Variants in TAF3 observed in about 807,000 individuals in gnomAD.
TAF3 encodes the protein transcription initiation factor TFIID subunit 3.
A neutral mutation model predicts 80.6 loss-of-function variants in TAF3; 7 were observed. That is an observed-to-expected ratio of 0.09 (90% confidence interval 0.05 to 0.16). The LOEUF is 0.16. Ranked by LOEUF, TAF3 falls within the 10% of genes least tolerant of loss-of-function variation. TAF3 has a pLI of 1.00. For synonymous variants in TAF3, 444 were observed against 446.1 expected, an observed-to-expected ratio of 1.00 and a Z score of 0.06; for missense variants, 921 against 1,140.2, an observed-to-expected ratio of 0.81 and a Z score of 2.77.
At chr10:7,840,918 C>T (rs1198175895) in intron 2 of TAF3, among the ~76,000 whole-genome samples, 2 of 151,640 alleles carry the variant, frequency 1.3e-5, no homozygotes, top group South Asian at 2.1e-4. Context: ...GGCGTGATCT[C>T]GGCTCACTGC....
At chr10:8,007,235 C>T (rs1302109240) in intron 4 of TAF3, among the ~76,000 whole-genome samples, 2 of 152,002 alleles carry the variant, frequency 1.3e-5, no homozygotes, top group Non-Finnish European at 2.9e-5. Flanking sequence ...CTCTATGTGT[C>T]AGCATGGATA....
At chr10:7,935,400 A>G (rs1837907977) in intron 2 of TAF3, among the ~76,000 whole-genome samples, 1 of 152,052 alleles carries the variant, frequency 6.6e-6, no homozygotes, top group African/African-American at 2.4e-5. Flanking sequence ...GATCGAGACC[A>G]TGGTGAAACC....
intron 2 of TAF3, among the ~76,000 whole-genome samples, chr10:7,914,804 T>C (rs755878172): frequency 6.6e-6 from 1 of 152,198 alleles, no homozygotes; most frequent in Non-Finnish European, 1.5e-5. Flanking sequence ...GTCATTAGTC[T>C]TGCAGGTAGA....
intron 4 of TAF3, among the ~76,000 whole-genome samples, chr10:7,978,998 G>A (rs1831698624): frequency 6.6e-6 from 1 of 151,964 alleles, no homozygotes; most frequent in Admixed American, 6.6e-5. Context: ...CTATGATCGT[G>A]CCCACTGCAC....
chr10:7,850,075 T>C (rs962636676), intron 2 of TAF3, among the ~76,000 whole-genome samples: 1 of 152,216 alleles, frequency 6.6e-6, no homozygotes, highest in African/African-American at 2.4e-5. Flanking sequence ...TTGCTTAAAA[T>C]ATAGATCCTC....
intron 2 of TAF3, among the ~76,000 whole-genome samples, chr10:7,909,442 A>C (rs574688323): frequency 6.6e-6 from 1 of 152,320 alleles, no homozygotes; most frequent in African/African-American, 2.4e-5. Context: ...TAAAGACTTG[A>C]TTCTACCAGA....
rs146513556 is a variant in TAF3, at chr10:7,932,429, A to G, written c.410-31491A>G. Among the ~76,000 whole-genome samples the G allele has an allele frequency of 9.3e-4, 142 of 152,250 alleles. 2 individuals carry two copies. In the East Asian group the frequency reaches 0.021, roughly 22 times the overall value. On this transcript the variant is annotated intron_variant, in intron 2 of 6. Transcript: ENST00000344293. ...TACTGATTCAGTGTTTTTTACAGCA[A>G]ATATCCAAAGGTCAAGAGACAGACT... is the stretch of plus-strand genomic sequence containing the variant.
At chr10:7,861,628 A>G (rs1314661) in intron 2 of TAF3, among the ~76,000 whole-genome samples, 68,203 of 151,854 alleles carry the variant, frequency 0.45, 15,546 homozygotes, top group South Asian at 0.64. Flanking sequence ...TTTTTCCACC[A>G]TCTCATAACC....
intron 2 of TAF3, among the ~76,000 whole-genome samples, chr10:7,922,102 C>T (rs902052308): frequency 3.3e-5 from 5 of 152,080 alleles, no homozygotes; most frequent in African/African-American, 1.2e-4. Context: ...ATTCAACTCT[C>T]AGTATTCAAA....
At chr10:7,935,357 G>A (rs1238616554) in intron 2 of TAF3, among the ~76,000 whole-genome samples, 6 of 152,046 alleles carry the variant, frequency 3.9e-5, no homozygotes, top group Non-Finnish European at 5.9e-5. Flanking sequence ...CAGCACTTTG[G>A]GAGGCCGAGG....
chr10:7,870,888 A>G (rs1837258814), intron 2 of TAF3, among the ~76,000 whole-genome samples: 1 of 152,104 alleles, frequency 6.6e-6, no homozygotes, highest in Non-Finnish European at 1.5e-5. Flanking sequence ...TGAAGCTCAG[A>G]GTTTCTTGTA....
At chr10:7,951,004 G>A (rs566042280) in intron 2 of TAF3, among the ~76,000 whole-genome samples, 92 of 152,316 alleles carry the variant, frequency 6.0e-4, no homozygotes, top group African/African-American at 2.1e-3. Flanking sequence ...CAATGTTAAT[G>A]CATCATTAAT....
chr10:7,873,183 T>C (rs1168869448), intron 2 of TAF3, among the ~76,000 whole-genome samples: 1 of 152,236 alleles, frequency 6.6e-6, no homozygotes, highest in East Asian at 1.9e-4. Context: ...TTTTTAAATC[T>C]TTAATCGATA....
At chr10:7,929,745 T>C (rs75115524) in intron 2 of TAF3, among the ~76,000 whole-genome samples, 1,689 of 152,204 alleles carry the variant, frequency 0.011, 31 homozygotes, top group African/African-American at 0.038. Context: ...TACCAATAAA[T>C]AAGAATATGG....
At chr10:8,007,222 G>A (rs567632309) in intron 4 of TAF3, among the ~76,000 whole-genome samples, 2 of 152,222 alleles carry the variant, frequency 1.3e-5, no homozygotes, top group South Asian at 4.2e-4. Context: ...AAATAATATA[G>A]ATCTCTATGT....
intron 5 of TAF3, among the ~76,000 whole-genome samples, chr10:8,010,728 G>A (rs961434811): frequency 6.6e-6 from 1 of 152,102 alleles, no homozygotes; most frequent in African/African-American, 2.4e-5. Context: ...CCAACATGGT[G>A]AAACCCCATC....
chr10:7,854,101 C>T (rs1190846035), intron 2 of TAF3, among the ~76,000 whole-genome samples: 2 of 152,190 alleles, frequency 1.3e-5, no homozygotes, highest in African/African-American at 2.4e-5. Flanking sequence ...CACTTGCAAT[C>T]GGATCCAGTG....
At chr10:7,981,777 C>T (rs1488970689) in intron 4 of TAF3, among the ~76,000 whole-genome samples, 1 of 151,936 alleles carries the variant, frequency 6.6e-6, no homozygotes, top group African/African-American at 2.4e-5. Flanking sequence ...ATGTCATTTA[C>T]TTTTTTTTGT....
intron 2 of TAF3, among the ~76,000 whole-genome samples, chr10:7,930,546 GCTT>G (rs1293393510): frequency 4.6e-5 from 7 of 152,098 alleles, no homozygotes; most frequent in African/African-American, 1.4e-4. Flanking sequence ...CAGTACAATT[GCTT>G]CTTTTTGTTT....
Sources: gnomAD v4.1 joint callset for allele counts (sites outside exome capture counted in the v4.1 genomes callset) on GRCh38, gnomAD v4.1.1 for gene constraint, MANE v1.5 for transcripts, NCBI Gene and HGNC (gene_info 2026-07-23, HGNC 2026-07-21) for gene names.